The following MOB1B variants were observed in gnomAD, a reference collection of about 807,000 sequenced individuals.
MOB1B encodes the protein MOB1 Mps One Binder homolog B.
A neutral mutation model predicts 24.4 loss-of-function variants in MOB1B; 19 were observed. The observed-to-expected ratio is 0.78, with a 90% CI of 0.54 to 1.14. The LOEUF (loss-of-function observed/expected upper bound fraction) is 1.14. MOB1B is among the 50% of genes most tolerant of loss of function. MOB1B has a pLI of 0.00. For missense variants in MOB1B, 243 were observed against 259.6 expected, an observed-to-expected ratio of 0.94 and a Z score of 0.44; for synonymous variants, 76 against 82.1, an observed-to-expected ratio of 0.93 and a Z score of 0.40.
rs1361428929 is a variant in MOB1B, at chr4:70,987,581, C to G, written c.*5524C>G. 2.6e-5 allele frequency: 4 copies of G among 152,050 alleles called. No homozygotes were observed. Among genetic ancestry groups the G allele is most frequent in the Admixed American group, 2.6e-4 (4 of 15,264 alleles). 9.4% of individuals were successfully genotyped at this position (152,050 alleles called of 1,614,324 possible). On this transcript the variant is annotated 3_prime_UTR_variant, in exon 6 of 6. Coordinates refer to ENST00000309395, the MANE Select transcript of MOB1B (RefSeq NM_173468.4). ...GAGGGCACTAATCTTGTAGGAAACACTTACTTGATGTTTTATTTGAACTTT... is the reference window on the plus strand; with the variant it reads ...GAGGGCACTAATCTTGTAGGAAACAGTTACTTGATGTTTTATTTGAACTTT...
chr4:70,969,854 T>C, intron 2 of MOB1B, 77 bp from the exon 3 acceptor site: 1 of 791,510 alleles, frequency 1.3e-6, no homozygotes, highest in South Asian at 1.8e-5. Context: ...AATAAGCCTA[T>C]TCTGTTCAAG....
intron 1 of MOB1B, among the ~76,000 whole-genome samples, chr4:70,937,081 C>G (rs1012897692): frequency 2.0e-5 from 3 of 151,966 alleles, no homozygotes; most frequent in African/African-American, 4.8e-5. Flanking sequence ...CCACGCCTCT[C>G]TAATTTTTGT....
At chr4:70,951,284 G>T (rs899373874) in intron 1 of MOB1B, among the ~76,000 whole-genome samples, 2 of 152,124 alleles carry the variant, frequency 1.3e-5, no homozygotes, top group Admixed American at 1.3e-4. Context: ...TGTCTTCCGT[G>T]AAACTGGTCC....
At position 70,986,053 on chromosome 4, in the gene MOB1B, A is replaced by C. The variant is rs1233692863; in HGVS notation, c.*3996A>C. On this transcript the variant is annotated 3_prime_UTR_variant, in exon 6 of 6. Transcript: ENST00000309395. ...TTTACTTTTTAAAAACATTCAGCTT[A>C]ATTACCTTACCTTAATTACCTTAGT... The C allele has an allele frequency of 6.6e-6, 1 of 152,234 alleles. No individual in the cohort carries two copies. Among genetic ancestry groups the C allele is most frequent in the Non-Finnish European group, 1.5e-5 (1 of 68,036 alleles). 9.4% of individuals were successfully genotyped at this position (152,234 alleles called of 1,614,324 possible).
intron 4 of MOB1B, 32 bp downstream of exon 4, chr4:70,975,318 A>C (rs371271122): frequency 1.9e-6 from 3 of 1,605,246 alleles, no homozygotes; most frequent in Non-Finnish European, 2.5e-6. Flanking sequence ...GGGATCCATC[A>C]TGATTTATCT....
chr4:70,928,409 C>T (rs1736740336), intron 1 of MOB1B, among the ~76,000 whole-genome samples: 1 of 151,652 alleles, frequency 6.6e-6, no homozygotes, highest in Admixed American at 6.6e-5. Flanking sequence ...GATTCTCCTG[C>T]TTCAGCCTCT....
At chr4:70,929,750 A>G (rs931202421) in intron 1 of MOB1B, among the ~76,000 whole-genome samples, 3 of 150,424 alleles carry the variant, frequency 2.0e-5, no homozygotes, top group African/African-American at 7.4e-5. Context: ...GGTTTACGCC[A>G]TTCTCCTGCC....
At chr4:70,937,621 C>T (rs992982865) in intron 1 of MOB1B, among the ~76,000 whole-genome samples, 3 of 151,842 alleles carry the variant, frequency 2.0e-5, no homozygotes, top group African/African-American at 7.3e-5. Flanking sequence ...AAGTGATTCT[C>T]ATGTCTCAGT....
At chr4:70,908,374 G>T (rs1735839178) in intron 1 of MOB1B, among the ~76,000 whole-genome samples, 1 of 150,614 alleles carries the variant, frequency 6.6e-6, no homozygotes, top group South Asian at 2.1e-4. Flanking sequence ...GCTGAACTAG[G>T]TGTATTTCTG....
chr4:70,936,472 A>G (rs1455033723), intron 1 of MOB1B, among the ~76,000 whole-genome samples: 1 of 152,158 alleles, frequency 6.6e-6, no homozygotes, highest in Admixed American at 6.5e-5. Flanking sequence ...CTCTGAAAGC[A>G]CTGGCATCAC....
At chr4:70,903,778 G>A (rs1362293368) in intron 1 of MOB1B, among the ~76,000 whole-genome samples, 1 of 151,826 alleles carries the variant, frequency 6.6e-6, no homozygotes, top group Non-Finnish European at 1.5e-5. Context: ...ACTGAACAAG[G>A]CTGACCTAGG....
At chr4:70,972,936 G>A (rs1391606043) in intron 3 of MOB1B, among the ~76,000 whole-genome samples, 4 of 151,902 alleles carry the variant, frequency 2.6e-5, no homozygotes, top group Non-Finnish European at 4.4e-5. Flanking sequence ...ACCACACCCG[G>A]CTAATTTTTT....
chr4:70,924,244 G>T (rs1008531773), intron 1 of MOB1B, among the ~76,000 whole-genome samples: 2 of 152,094 alleles, frequency 1.3e-5, no homozygotes, highest in African/African-American at 4.8e-5. Flanking sequence ...CATATGCCTG[G>T]TTGCATTCTC....
chr4:70,965,557 G>A (rs1418498561), intron 2 of MOB1B, among the ~76,000 whole-genome samples: 3 of 151,376 alleles, frequency 2.0e-5, no homozygotes, highest in East Asian at 3.9e-4. Flanking sequence ...CAGCACTTTC[G>A]GAGGCTGAGG....
chr4:70,961,204 A>G (rs957465886), intron 2 of MOB1B, among the ~76,000 whole-genome samples: 1 of 152,228 alleles, frequency 6.6e-6, no homozygotes, highest in African/African-American at 2.4e-5. Context: ...TACTGTAGTA[A>G]AAGTTATGTG....
At chr4:70,920,914 C>T (rs1736411661) in intron 1 of MOB1B, among the ~76,000 whole-genome samples, 1 of 152,154 alleles carries the variant, frequency 6.6e-6, no homozygotes, top group Non-Finnish European at 1.5e-5. Flanking sequence ...TTAATCTCTA[C>T]TGATAAAGGT....
At chr4:70,980,446 A>G (rs942872068) in intron 5 of MOB1B, among the ~76,000 whole-genome samples, 3 of 152,154 alleles carry the variant, frequency 2.0e-5, no homozygotes, top group African/African-American at 7.2e-5. Context: ...CTCCTAGCAA[A>G]TAGCAAGGGA....
At position 70,987,546 on chromosome 4, in the gene MOB1B, C is replaced by T. The variant is rs980436871; in HGVS notation, c.*5489C>T. 6.6e-6 allele frequency: 1 copy of T among 151,980 alleles called. No individual in the cohort carries two copies. Among genetic ancestry groups the T allele is most frequent in the Admixed American group, 6.6e-5 (1 of 15,264 alleles). The allele number at this position is 151,980 out of a possible 1,614,324, so 9.4% of individuals were successfully genotyped here. ...TGTATTTATTATTGTACATGCATAA[C>T]CAGGGTGGTGAGGGCACTAATCTTG... is the stretch of plus-strand genomic sequence containing the variant. On this transcript the variant is annotated 3_prime_UTR_variant, in exon 6 of 6. Transcript: ENST00000309395.
intron 1 of MOB1B, among the ~76,000 whole-genome samples, chr4:70,920,199 A>AT (rs1362217183): frequency 6.6e-6 from 1 of 152,070 alleles, no homozygotes; most frequent in Non-Finnish European, 1.5e-5. Flanking sequence ...AAAATATTTG[A>AT]TTTAAGCTCC....
Sources: gnomAD v4.1 joint callset for allele counts (sites outside exome capture counted in the v4.1 genomes callset) on GRCh38, gnomAD v4.1.1 for gene constraint, MANE v1.5 for transcripts, NCBI Gene and HGNC (gene_info 2026-07-23, HGNC 2026-07-21) for gene names.